Variants in AATF observed in about 807,000 individuals in gnomAD.
AATF encodes the protein apoptosis antagonizing transcription factor.
In AATF, 48 loss-of-function variants were observed where a neutral mutation model predicts 63.7. The ratio of observed to expected loss-of-function variants is 0.75; its 90% CI spans 0.60 to 0.96. The LOEUF is 0.96. Among genes scored for constraint, AATF ranks in the 40% least tolerant of loss-of-function variants. The probability of loss-of-function intolerance (pLI) is 0.00; values close to 1 mark genes in which losing one functional copy is unlikely to be tolerated. For missense variants in AATF, 639 were observed against 685.7 expected (o/e 0.93, Z 0.76); for synonymous variants, 258 against 247.7 (o/e 1.04, Z -0.39).
intron 10 of AATF, among the ~76,000 whole-genome samples, chr17:37,021,770 A>T (rs1234677389): frequency 1.2e-5 from 1 of 86,810 alleles, no homozygotes; most frequent in East Asian, 2.6e-4. Flanking sequence ...GCGCCACTGC[A>T]CTCCAGCCTG....
chr17:36,966,029 C>T lies in AATF; in HGVS notation c.832+12122C>T, dbSNP rs184647909. Among the ~76,000 whole-genome samples, 265 of 152,096 alleles carry T rather than the reference C, an allele frequency of 1.7e-3. 4 individuals are homozygous for T. Among genetic ancestry groups the T allele is most frequent in the Non-Finnish European group, 4.7e-4 (32 of 67,980 alleles). Reference sequence around the variant, plus strand: ...CTTAGTAAGTATGAAGACTGGGGTCCTTCAGTTTTGGGAAAATCTTTTCTA... The same window carrying T: ...CTTAGTAAGTATGAAGACTGGGGTCTTTCAGTTTTGGGAAAATCTTTTCTA... On this transcript the variant is annotated intron_variant, in intron 4 of 11. Transcript: ENST00000619387.
intron 8 of AATF, among the ~76,000 whole-genome samples, chr17:37,004,709 TGTA>T (rs1417480864): frequency 6.6e-6 from 1 of 152,030 alleles, no homozygotes; most frequent in Admixed American, 6.5e-5. Context: ...AGTGATAAGA[TGTA>T]GGAGGATATG....
intron 4 of AATF, 51 bp downstream of exon 4, chr17:36,953,958 A>T (rs1464871438): frequency 6.3e-7 from 1 of 1,582,374 alleles, no homozygotes; most frequent in Non-Finnish European, 8.6e-7. Flanking sequence ...TTGTCAAATG[A>T]AGACAGCTTT....
intron 4 of AATF, among the ~76,000 whole-genome samples, chr17:36,982,783 A>G (rs1001414372): frequency 6.6e-6 from 1 of 152,200 alleles, no homozygotes; most frequent in Non-Finnish European, 1.5e-5. Context: ...AACCGTCACC[A>G]CCATCCACCT....
chr17:36,967,637 GTCTTTCT>G (rs2071001489), intron 4 of AATF, among the ~76,000 whole-genome samples: 1 of 151,576 alleles, frequency 6.6e-6, no homozygotes, highest in Non-Finnish European at 1.5e-5. Flanking sequence ...CTATTCCAGA[GTCTTTCT>G]TGGCTACTTC....
intron 11 of AATF, chr17:37,034,830 A>C (rs2071578010): frequency 6.6e-6 from 1 of 152,218 alleles, no homozygotes. Context: ...GAAGACTTAA[A>C]AATCAAAAAA....
chr17:37,027,498 G>T (rs2071519716), intron 10 of AATF, among the ~76,000 whole-genome samples: 1 of 151,784 alleles, frequency 6.6e-6, no homozygotes, highest in African/African-American at 2.4e-5. Context: ...TAACTATATT[G>T]TATTAAATGT....
At chr17:36,981,748 G>A (rs2071127251) in intron 4 of AATF, among the ~76,000 whole-genome samples, 1 of 117,164 alleles carries the variant, frequency 8.5e-6, no homozygotes, top group Non-Finnish European at 1.7e-5. Context: ...GTGTTATATA[G>A]GCAGGTCTCA....
intron 10 of AATF, among the ~76,000 whole-genome samples, chr17:37,028,728 G>A (rs1409008763): frequency 3.3e-5 from 5 of 152,278 alleles, no homozygotes; most frequent in Middle Eastern, 3.4e-3. Flanking sequence ...AGAGGTTGCA[G>A]TGAGCCGAGA....
chr17:37,006,796 G>C (rs142251041), intron 8 of AATF, among the ~76,000 whole-genome samples: 127 of 152,338 alleles, frequency 8.3e-4, no homozygotes, highest in African/African-American at 2.9e-3. Flanking sequence ...CTTGTGCTGA[G>C]AAAATAGTAC....
intron 11 of AATF, among the ~76,000 whole-genome samples, chr17:37,036,740 A>G (rs1319908911): frequency 6.6e-6 from 1 of 152,150 alleles, no homozygotes; most frequent in Non-Finnish European, 1.5e-5. Flanking sequence ...GTTAGTGGAA[A>G]TCTTATGCAA....
At chr17:36,957,785 C>T (rs2070914212) in intron 4 of AATF, among the ~76,000 whole-genome samples, 1 of 152,184 alleles carries the variant, frequency 6.6e-6, no homozygotes, top group Non-Finnish European at 1.5e-5. Context: ...AATATAGTCT[C>T]TCCTTGGCAC....
rs757983722 is a variant in AATF at position 36,953,089 on chromosome 17, G to A, written c.487G>A (p.Gly163Arg). 12 of 1,614,124 alleles carry A rather than the reference G, an allele frequency of 7.4e-6. No homozygotes were observed. Among genetic ancestry groups the A allele is most frequent in the Admixed American group, 1.7e-5 (1 of 60,020 alleles). ...SISDFEKFTK[G>R]MDDLGSSEEE... ...CAGTGACTTTGAGAAATTTACCAAG[G>A]GAATGGATGACCTTGGGAGCAGTGA... The change falls in exon 3 of 12, where the codon GGA becomes AGA. Residue 163 changes from glycine to arginine, a missense_variant. Physicochemically the swap from Gly to Arg is moderately radical, Grantham distance 125. Transcript: ENST00000619387.
intron 8 of AATF, 31 bp from the exon 9 acceptor site, chr17:37,018,974 A>G: frequency 1.9e-6 from 3 of 1,595,128 alleles, no homozygotes; most frequent in East Asian, 2.2e-5. Context: ...GAAGATGATA[A>G]ATAAATTCGT....
chr17:36,968,365 C>T (rs1436171434), intron 4 of AATF, among the ~76,000 whole-genome samples: 8 of 141,092 alleles, frequency 5.7e-5, no homozygotes, highest in Middle Eastern at 3.7e-3. Flanking sequence ...GCCTTGGCCT[C>T]CTGGGCTCAA....
intron 4 of AATF, among the ~76,000 whole-genome samples, chr17:36,976,687 G>A (rs2071082423): frequency 6.6e-6 from 1 of 152,182 alleles, no homozygotes; most frequent in South Asian, 2.1e-4. Context: ...TCATAGTAAG[G>A]TGAAGCTGCT....
At chr17:37,024,540 A>G (rs903755900) in intron 10 of AATF, among the ~76,000 whole-genome samples, 1 of 152,236 alleles carries the variant, frequency 6.6e-6, no homozygotes, top group Non-Finnish European at 1.5e-5. Context: ...GCAGGAGATA[A>G]GGCTGCATGC....
intron 8 of AATF, among the ~76,000 whole-genome samples, chr17:37,006,245 G>A (rs1189902726): frequency 6.6e-6 from 1 of 152,212 alleles, no homozygotes; most frequent in Non-Finnish European, 1.5e-5. Context: ...CAAAGCGGGT[G>A]GATCAGCTGA....
intron 8 of AATF, among the ~76,000 whole-genome samples, chr17:37,002,201 CAAAAAAAAAA>C (rs34123922): frequency 1.3e-5 from 1 of 76,462 alleles, no homozygotes; most frequent in Non-Finnish European, 2.8e-5. Context: ...GACTCCGTCT[CAAAAAAAAAA>C]AAAAAAAAAA....
Sources: allele counts gnomAD v4.1 joint callset (sites outside exome capture counted in the v4.1 genomes callset), GRCh38; gene constraint gnomAD v4.1.1; transcripts MANE v1.5; gene names NCBI Gene and HGNC (gene_info 2026-07-23, HGNC 2026-07-21).